The following KIF5C variants were observed in gnomAD, a reference collection of about 807,000 sequenced individuals.
KIF5C encodes kinesin family member 5C.
In KIF5C, 18 loss-of-function variants were observed where a neutral mutation model predicts 125.2. That is an observed-to-expected ratio of 0.14 (90% CI 0.10 to 0.21). KIF5C has a LOEUF of 0.21. Among genes scored for constraint, KIF5C ranks in the 10% least tolerant of loss-of-function variants. The pLI is 1.00. For missense variants in KIF5C, 780 were observed against 1,183.8 expected, an observed-to-expected ratio of 0.66 and a Z score of 5.01; for synonymous variants, 405 against 434.0, an observed-to-expected ratio of 0.93 and a Z score of 0.83.
intron 15 of KIF5C, among the ~76,000 whole-genome samples, chr2:148,987,145 T>C (rs73009542): frequency 0.011 from 1,691 of 152,304 alleles, 29 homozygotes; most frequent in African/African-American, 0.038. Context: ...CAGGGACTTA[T>C]GTTTTTCACA....
chr2:149,000,787 G>C lies in KIF5C; in HGVS notation c.2373+5G>C. ...AAAGGGCTGGAGGAGACAGTGGTAT[G>C]TCAAGATATTTCCCGATTTATGTTT... is the stretch of plus-strand genomic sequence containing the variant. On this transcript the variant is annotated splice_donor_5th_base_variant and intron_variant, in intron 21 of 25. Transcript: ENST00000435030. 6.2e-7 allele frequency: 1 copy of C among 1,613,206 alleles called. No individual in the cohort carries two copies. Among genetic ancestry groups the C allele is most frequent in the Non-Finnish European group, 8.5e-7 (1 of 1,179,666 alleles).
chr2:148,912,780 A>G (rs1225429866), intron 1 of KIF5C, among the ~76,000 whole-genome samples: 1 of 152,140 alleles, frequency 6.6e-6, no homozygotes, highest in Non-Finnish European at 1.5e-5. Context: ...CAAGTACTTC[A>G]TCTGCCAGTT....
Position 148,994,725 on chromosome 2 carries a change from T to C in KIF5C, c.2023+187T>C, listed in dbSNP as rs6434628. On this transcript the variant is annotated intron_variant, in intron 17 of 25. Transcript: ENST00000435030. ...TTTCTTTCTTTTTTTTTTTTTAAGA[T>C]GGAGTCTCGCTCTGTTGCCCAGGCT... Among the ~76,000 whole-genome samples the C allele has an allele frequency of 0.017, 2,559 of 151,794 alleles. 76 individuals carry two copies. Among genetic ancestry groups the C allele is most frequent in the African/African-American group, 0.059 (2,420 of 41,352 alleles).
chr2:148,875,884 A>AC, intron 1 of KIF5C, 141 bp downstream of exon 1: 6 of 1,052,020 alleles, frequency 5.7e-6, no homozygotes, highest in Non-Finnish European at 7.3e-6. Context: ...CTGACCAGAG[A>AC]CCCCTCGCCC....
At chr2:148,931,414 C>T (rs895547044) in intron 3 of KIF5C, among the ~76,000 whole-genome samples, 6 of 152,120 alleles carry the variant, frequency 3.9e-5, no homozygotes, top group South Asian at 2.1e-4. Flanking sequence ...GGAGGCCAGG[C>T]GTGGTGGCTT....
At chr2:148,998,845 A>AAAAAAAG (rs1553470507) in intron 19 of KIF5C, 2 of 147,918 alleles carry the variant, frequency 1.4e-5, no homozygotes, top group African/African-American at 5.9e-5. Context: ...AAAAAAAAAA[A>AAAAAAAG]AAAAGAAAAG....
intron 12 of KIF5C, among the ~76,000 whole-genome samples, chr2:148,978,180 G>A (rs1247899619): frequency 6.6e-6 from 1 of 152,088 alleles, no homozygotes; most frequent in African/African-American, 2.4e-5. Context: ...TGAGTCTAAG[G>A]GGAGGTGGGG....
chr2:148,943,116 G>A (rs958627975), intron 7 of KIF5C, among the ~76,000 whole-genome samples: 30 of 151,922 alleles, frequency 2.0e-4, no homozygotes, highest in African/African-American at 7.3e-4. Flanking sequence ...TATTGTTCAG[G>A]TTAAAAAAAA....
intron 14 of KIF5C, among the ~76,000 whole-genome samples, chr2:148,981,981 C>T (rs924441681): frequency 2.3e-4 from 35 of 152,206 alleles, no homozygotes; most frequent in Non-Finnish European, 3.7e-4. Flanking sequence ...GGATTAGTGA[C>T]AGTTTATGTA....
At chr2:148,999,810 C>CGCTT (rs1265277134) in intron 19 of KIF5C, 1 of 152,274 alleles carries the variant, frequency 6.6e-6, no homozygotes, top group Admixed American at 6.5e-5. Context: ...CCTTTACAGG[C>CGCTT]GCTTAGGCGT....
intron 25 of KIF5C, among the ~76,000 whole-genome samples, chr2:149,014,802 C>T (rs906573171): frequency 2.0e-5 from 3 of 152,090 alleles, no homozygotes; most frequent in African/African-American, 4.8e-5. Context: ...TTTTTAGTTC[C>T]TCTATAGCAA....
intron 8 of KIF5C, among the ~76,000 whole-genome samples, chr2:148,948,970 A>G (rs1396425821): frequency 6.6e-6 from 1 of 152,046 alleles, no homozygotes; most frequent in Non-Finnish European, 1.5e-5. Flanking sequence ...CTGGACATGA[A>G]TTCATTTCTG....
rs141168347 is a variant in KIF5C at position 148,976,344 on chromosome 2, A to G, written c.1294-2578A>G. 5.5e-3 allele frequency among the ~76,000 whole-genome samples: 834 copies of G among 151,872 alleles called. 7 individuals are homozygous for G. Among genetic ancestry groups the G allele is most frequent in the African/African-American group, 0.019 (794 of 41,382 alleles). On this transcript the variant is annotated intron_variant, in intron 12 of 25. Transcript: ENST00000435030. The stretch of plus-strand genomic sequence containing the variant: ...GAGTCCAGTGGTGCGACCTCAGTGC[A>G]CTGCAACCTCTGCCTCCTGGGTTCA...
chr2:148,963,156 G>A (rs921225122), intron 11 of KIF5C, among the ~76,000 whole-genome samples: 2 of 143,688 alleles, frequency 1.4e-5, no homozygotes, highest in Non-Finnish European at 3.0e-5. Context: ...GAAGGTAGAA[G>A]GCTTTTTTTT....
intron 15 of KIF5C, among the ~76,000 whole-genome samples, chr2:148,989,925 T>G (rs986552080): frequency 1.7e-4 from 26 of 152,214 alleles, no homozygotes; most frequent in Non-Finnish European, 2.4e-4. Flanking sequence ...GATAGTGATA[T>G]GATGAGTGAA....
At chr2:148,947,813 G>A in intron 8 of KIF5C, 1 of 448,356 alleles carries the variant, frequency 2.2e-6, no homozygotes, top group South Asian at 1.6e-5. Flanking sequence ...ATGCCCTCTG[G>A]CCTCCATCAT....
Position 148,997,608 on chromosome 2 carries a change from C to T in KIF5C, c.2100+268C>T, listed in dbSNP as rs1681715981. On this transcript the variant is annotated intron_variant, in intron 18 of 25. Coordinates refer to ENST00000435030, the MANE Select transcript of KIF5C (RefSeq NM_004522.3). Reference sequence around the variant, plus strand: ...TTCCTGATGAAGAGGGAAAGGGTAGCACCCCCAATCACTGCATGGGCTCTT... The same window carrying T: ...TTCCTGATGAAGAGGGAAAGGGTAGTACCCCCAATCACTGCATGGGCTCTT... 5 of 481,946 alleles carry T rather than the reference C, an allele frequency of 1.0e-5. No homozygotes were observed. In the Middle Eastern group the frequency reaches 2.8e-3, roughly 266 times the overall value. The allele number at this position is 481,946 out of a possible 1,614,324, so 29.9% of individuals were successfully genotyped here.
intron 19 of KIF5C, 62 bp downstream of exon 19, chr2:148,998,571 C>T (rs1362466964): frequency 2.1e-5 from 32 of 1,546,118 alleles, no homozygotes; most frequent in Non-Finnish European, 2.6e-5. Flanking sequence ...CTTGGGGAAG[C>T]CTGGAAGGAT....
chr2:149,019,215 A>T (rs1410722664), intron 25 of KIF5C, among the ~76,000 whole-genome samples: 2 of 152,198 alleles, frequency 1.3e-5, no homozygotes, highest in African/African-American at 4.8e-5. Flanking sequence ...ACAGCTAAGA[A>T]AACTGTGGAA....
Sources: allele counts gnomAD v4.1 joint callset (sites outside exome capture counted in the v4.1 genomes callset), GRCh38; gene constraint gnomAD v4.1.1; transcripts MANE v1.5; gene names NCBI Gene and HGNC (gene_info 2026-07-23, HGNC 2026-07-21).